ACAN: variants seen among roughly 807,000 people sequenced by gnomAD.
ACAN encodes the protein aggrecan core protein.
A neutral mutation model predicts 169.1 loss-of-function variants in ACAN; 47 were observed. The observed-to-expected ratio is 0.28, with a 90% CI of 0.22 to 0.35. ACAN has a LOEUF of 0.35. Ranked by LOEUF, ACAN falls within the 10% of genes least tolerant of loss-of-function variation. ACAN has a pLI of 1.00. For missense variants in ACAN, 2,716 were observed against 2,759.9 expected (o/e 0.98, Z 0.36); for synonymous variants, 1,115 against 1,112.2 (o/e 1.00, Z -0.05).
rs753649277 is a variant in ACAN, at chr15:88,847,381, A to T, written c.1568A>T (p.Gln523Leu). Reference sequence around the variant, plus strand: ...GCCGCCTACGAAGCAGGCTATGAGCAGTGTGACGCCGGCTGGCTGCGGGAC... The same window carrying T: ...GCCGCCTACGAAGCAGGCTATGAGCTGTGTGACGCCGGCTGGCTGCGGGAC... ...LQAAYEAGYE[Q>L]CDAGWLRDQT... The change falls in exon 8 of 19, where the codon CAG (glutamine) becomes CTG (leucine). Residue 523 changes from glutamine (Q) to leucine (L), a missense_variant. Physicochemically the swap from Gln to Leu is moderately radical, Grantham distance 113. Coordinates refer to ENST00000560601, the MANE Select transcript of ACAN (RefSeq NM_001369268.1). The T allele has an allele frequency of 6.3e-7, 1 of 1,587,558 alleles. No individual in the cohort carries two copies. The highest frequency in any genetic ancestry group is 1.1e-5 in the South Asian group (1 of 87,354).
In ACAN at chr15:88,845,506, T is replaced by C; in HGVS notation, c.1053T>C (p.Gly351=). 6.2e-7 allele frequency: 1 copy of C among 1,601,364 alleles called. No homozygotes were observed. Among genetic ancestry groups the C allele is most frequent in the Non-Finnish European group, 8.5e-7 (1 of 1,171,428 alleles). The part of the protein sequence containing the change: ...SSRYDAICYT[G]EDFVDIPENF... ...AGCTTGTCTTTGCCCCTCCCCTAGGTGAAGACTTTGTGGACATCCCAGAAA... is the reference window on the plus strand; with the variant it reads ...AGCTTGTCTTTGCCCCTCCCCTAGGCGAAGACTTTGTGGACATCCCAGAAA... Residue 351 remains glycine (G), a splice_region_variant and synonymous_variant, in exon 7 of 19, where the codon GGT becomes GGC. Transcript: ENST00000560601.
At chr15:88,815,257 G>T (rs1596113521) in intron 1 of ACAN, among the ~76,000 whole-genome samples, 1 of 151,986 alleles carries the variant, frequency 6.6e-6, no homozygotes, top group East Asian at 1.9e-4. Flanking sequence ...ACAAAGATTG[G>T]ATTCCAAGTA....
Position 88,858,229 on chromosome 15 carries a change from G to A in ACAN, c.5644G>A (p.Val1882Ile), listed in dbSNP as rs754999272. Residue 1882 changes from valine (V) to isoleucine (I), a missense_variant, in exon 12 of 19, where the codon GTC becomes ATC. Val to Ile is a conservative substitution (Grantham distance 29). Coordinates refer to ENST00000560601, the MANE Select transcript of ACAN (RefSeq NM_001369268.1). The surrounding 1 kb of genome is among the most constrained non-coding windows in gnomAD (Gnocchi z 4.0). Reference sequence around the variant, plus strand: ...TGTCAGTGGACAGTTTTCTGGAACAGTCGATTCCAGTGGGTTTACATCCCA... The same window carrying A: ...TGTCAGTGGACAGTTTTCTGGAACAATCGATTCCAGTGGGTTTACATCCCA... The part of the protein sequence containing the change: ...VDVSGQFSGT[V>I]DSSGFTSQTP... 6.2e-7 allele frequency: 1 copy of A among 1,613,960 alleles called. No homozygotes were observed.
At position 88,858,667 on chromosome 15, in the gene ACAN, G is replaced by T. The variant is rs780573868; in HGVS notation, c.6082G>T (p.Ala2028Ser). 2 of 1,613,852 alleles carry T rather than the reference G, an allele frequency of 1.2e-6. No individual in the cohort carries two copies. The highest frequency in any genetic ancestry group is 2.7e-5 in the African/African-American group (2 of 74,922). ...SSVAMGTSGEASGLPEVTLIT... is the reference protein window; with the variant it reads ...SSVAMGTSGESSGLPEVTLIT... ...TGTAGCCATGGGCACCAGTGGAGAG[G>T]CCTCAGGACTTCCAGAAGTTACTTT... Residue 2028 changes from alanine to serine, a missense_variant, in exon 12 of 19, where the codon GCC becomes TCC. By Grantham distance (99) the Ala-to-Ser change is moderately conservative. Around this residue, in one of 3 missense-constraint regions of ACAN, gnomAD observed 1,389 missense variants for 1,363.7 expected, o/e 1.02. Transcript: ENST00000560601. The surrounding 1 kb of genome is among the most constrained non-coding windows in gnomAD (Gnocchi z 4.0).
chr15:88,823,168 TGCAGGGTTG>T (rs1481690524), intron 1 of ACAN, among the ~76,000 whole-genome samples: 2 of 152,230 alleles, frequency 1.3e-5, no homozygotes, highest in East Asian at 1.9e-4. Flanking sequence ...CTCTCTGTCC[TGCAGGGTTG>T]GCAGTCAGCG....
intron 12 of ACAN, among the ~76,000 whole-genome samples, chr15:88,859,716 G>A (rs1057485065): frequency 5.9e-5 from 9 of 152,176 alleles, no homozygotes; most frequent in Non-Finnish European, 1.0e-4. Flanking sequence ...TCGTTACAGC[G>A]GAGTTACAGT....
rs768123125 is a variant in ACAN at position 88,874,035 on chromosome 15, C to A, written c.7630+11C>A. On this transcript the variant is annotated intron_variant, in intron 18 of 18. Transcript: ENST00000560601. The surrounding 1 kb of genome is among the most constrained non-coding windows in gnomAD (Gnocchi z 7.3). ...TCACCTGCACAGACCGTGAGCATCA[C>A]CCCGGCCATCTCGCTGAGCACAGGG... The A allele has an allele frequency of 1.2e-6, 2 of 1,608,254 alleles. No individual in the cohort carries two copies. The highest frequency in any genetic ancestry group is 1.1e-5 in the South Asian group (1 of 90,988).
chr15:88,858,531 G>A lies in ACAN; in HGVS notation c.5946G>A (p.Leu1982=). 1 of 1,613,856 alleles carries A rather than the reference G, an allele frequency of 6.2e-7. No homozygotes were observed. The highest frequency in any genetic ancestry group is 8.5e-7 in the Non-Finnish European group (1 of 1,179,880). The part of the protein sequence containing the change: ...PDMSGEHSGF[L]DLSGLQSGLI... The stretch of plus-strand genomic sequence containing the variant: ...TGTCTGGGGAGCATTCTGGATTTCT[G>A]GACCTAAGTGGGCTGCAGTCCGGGC... Residue 1982 remains leucine, a synonymous_variant, in exon 12 of 19, where the codon CTG becomes CTA. Coordinates refer to ENST00000560601, the MANE Select transcript of ACAN (RefSeq NM_001369268.1). The surrounding 1 kb of genome is among the most constrained non-coding windows in gnomAD (Gnocchi z 4.0).
At chr15:88,841,017 C>G (rs904789176) in intron 4 of ACAN, among the ~76,000 whole-genome samples, 2 of 152,238 alleles carry the variant, frequency 1.3e-5, no homozygotes, top group African/African-American at 4.8e-5. Flanking sequence ...TGGTGGTGGG[C>G]TCCTGTAGTC....
At chr15:88,817,865 A>G (rs886867114) in intron 1 of ACAN, among the ~76,000 whole-genome samples, 13 of 151,540 alleles carry the variant, frequency 8.6e-5, no homozygotes, top group East Asian at 1.9e-4. Flanking sequence ...AAAAAAAAAA[A>G]AAAAGAAAGA....
chr15:88,855,393 A>G lies in ACAN; in HGVS notation c.2808A>G (p.Glu936=). Residue 936 remains glutamate (E), a synonymous_variant, in exon 12 of 19, where the codon GAA becomes GAG. Transcript: ENST00000560601. The part of the protein sequence containing the change: ...IEWPSTPTVG[E]LPSGAEILEG... ...GGCCCAGCACTCCTACGGTTGGTGA[A>G]CTGCCCTCTGGAGCTGAGATCCTAG... The G allele has an allele frequency of 1.2e-6, 2 of 1,613,722 alleles. No homozygotes were observed. Among genetic ancestry groups the G allele is most frequent in the Non-Finnish European group, 1.7e-6 (2 of 1,179,804 alleles).
chr15:88,808,011 T>C (rs1221462885), intron 1 of ACAN, among the ~76,000 whole-genome samples: 1 of 152,232 alleles, frequency 6.6e-6, no homozygotes, highest in Non-Finnish European at 1.5e-5. Context: ...CCACCTCTTC[T>C]GTGTAGGTCA....
chr15:88,867,689 A>C (rs1897302567), intron 13 of ACAN, among the ~76,000 whole-genome samples: 1 of 152,200 alleles, frequency 6.6e-6, no homozygotes, highest in Non-Finnish European at 1.5e-5. Flanking sequence ...TACACTCTTC[A>C]GACCATTTCG....
At chr15:88,803,895 T>TG (rs1043801064) in intron 1 of ACAN, 86 bp downstream of exon 1, 1 of 152,256 alleles carries the variant, frequency 6.6e-6, no homozygotes, top group African/African-American at 2.4e-5. Context: ...GCCCCGGGGC[T>TG]GGGGGCTGCA....
At position 88,838,192 on chromosome 15, in the gene ACAN, A is replaced by G. The variant is rs1160503660; in HGVS notation, c.71-471A>G. On this transcript the variant is annotated intron_variant, in intron 2 of 18. Transcript: ENST00000560601. The surrounding 1 kb of genome is among the most constrained non-coding windows in gnomAD (Gnocchi z 5.1). ...TCGCACCCAAAAGCAGACCTCCCCA[A>G]ATGGGACACATCTTAGAAGTTTTCT... 6.6e-6 allele frequency among the ~76,000 whole-genome samples: 1 copy of G among 152,048 alleles called. No individual in the cohort carries two copies. The highest frequency in any genetic ancestry group is 1.5e-5 in the Non-Finnish European group (1 of 68,010).
chr15:88,832,563 T>C (rs1896391488), intron 1 of ACAN, among the ~76,000 whole-genome samples: 1 of 152,170 alleles, frequency 6.6e-6, no homozygotes. Context: ...TGAGCCAAGA[T>C]CATGCCACTG....
Position 88,873,452 on chromosome 15 carries a change from G to A in ACAN, c.7448-390G>A, listed in dbSNP as rs146810299. Among the ~76,000 whole-genome samples the A allele has an allele frequency of 7.3e-4, 111 of 152,270 alleles. No individual in the cohort carries two copies. Among genetic ancestry groups the A allele is most frequent in the African/African-American group, 2.5e-3 (105 of 41,570 alleles). On this transcript the variant is annotated intron_variant, in intron 17 of 18. Transcript: ENST00000560601. The surrounding 1 kb of genome is among the most constrained non-coding windows in gnomAD (Gnocchi z 7.5). ...TTGGCTTTCAGTCTGTGGACATTGA[G>A]GTGCTGGTAGGATGCGCCCCACTGC... is the stretch of plus-strand genomic sequence containing the variant.
At chr15:88,860,581 G>A (rs1462152164) in intron 13 of ACAN, 142 bp downstream of exon 13, 14 of 641,210 alleles carry the variant, frequency 2.2e-5, no homozygotes, top group Non-Finnish European at 3.9e-5. Flanking sequence ...TGACATGTCA[G>A]GGGCAGAAGC....
intron 5 of ACAN, 90 bp downstream of exon 5, chr15:88,841,957 C>T: frequency 6.5e-7 from 1 of 1,542,090 alleles, no homozygotes; most frequent in African/African-American, 1.4e-5. Flanking sequence ...TGAGATCACA[C>T]AGGCTGCCAG....
Sources: gnomAD v4.1 joint callset for allele counts (sites outside exome capture counted in the v4.1 genomes callset) on GRCh38, gnomAD v4.1.1 for gene constraint, gnomAD v4.1.1 regional missense constraint, Gnocchi (gnomAD v3.1) non-coding constraint, MANE v1.5 for transcripts, NCBI Gene and HGNC (gene_info 2026-07-23, HGNC 2026-07-21) for gene names.